PEX3: variants seen among roughly 807,000 people sequenced by gnomAD.
PEX3 encodes the protein peroxin-3.
PEX3 carries 30 observed loss-of-function variants against 55.8 expected under a neutral mutation model. That is an observed-to-expected ratio of 0.54 (90% CI 0.40 to 0.73). The LOEUF (loss-of-function observed/expected upper bound fraction) is 0.73. Ranked by LOEUF, PEX3 falls within the 30% of genes least tolerant of loss-of-function variation. The pLI, the probability that PEX3 is intolerant of heterozygous loss-of-function variation, is 0.00. For missense variants in PEX3, 351 were observed against 432.8 expected, an observed-to-expected ratio of 0.81 and a Z score of 1.68; for synonymous variants, 135 against 148.4, an observed-to-expected ratio of 0.91 and a Z score of 0.66.
At chr6:143,468,825 A>ACT (rs1780030709) in intron 4 of PEX3, among the ~76,000 whole-genome samples, 1 of 32,246 alleles carries the variant, frequency 3.1e-5, no homozygotes, top group African/African-American at 1.2e-4. Context: ...ACCCCACGAC[A>ACT]GGCCCCAGTG....
At chr6:143,472,992 G>C (rs1005571932) in intron 8 of PEX3, among the ~76,000 whole-genome samples, 1 of 152,202 alleles carries the variant, frequency 6.6e-6, no homozygotes, top group Non-Finnish European at 1.5e-5. Context: ...CCAGATTGCA[G>C]GTTATGGCTC....
chr6:143,456,919 A>G (rs938035162), intron 1 of PEX3, among the ~76,000 whole-genome samples: 2 of 152,222 alleles, frequency 1.3e-5, no homozygotes, highest in African/African-American at 2.4e-5. Flanking sequence ...CCCCTCAGAT[A>G]TAGACCAAAT....
chr6:143,483,943 A>G lies in PEX3; in HGVS notation c.942-1209A>G, dbSNP rs1481570991. Among the ~76,000 whole-genome samples the G allele has an allele frequency of 1.4e-5, 2 of 143,656 alleles. No homozygotes were observed. Among genetic ancestry groups the G allele is most frequent in the African/African-American group, 4.9e-5 (2 of 41,062 alleles). The allele number at this position is 143,656 out of a possible 152,430, so 94.2% of individuals were successfully genotyped here. On this transcript the variant is annotated intron_variant, in intron 10 of 11. Transcript: ENST00000367591. This position sits in a 1 kb window ranked among gnomAD's most constrained non-coding sequence, Gnocchi z 4.3. ...AGATTTTGAAAAATGCCACAAAGGTACCATGAAAAAAAAAATGCCTGCTTC... is the reference window on the plus strand; with the variant it reads ...AGATTTTGAAAAATGCCACAAAGGTGCCATGAAAAAAAAAATGCCTGCTTC...
At chr6:143,472,823 G>C (rs1318420402) in intron 8 of PEX3, among the ~76,000 whole-genome samples, 1 of 152,152 alleles carries the variant, frequency 6.6e-6, no homozygotes, top group East Asian at 1.9e-4. Flanking sequence ...TTTTAAAAAA[G>C]TTAATGATGA....
Position 143,471,439 on chromosome 6 carries a change from A to G in PEX3, c.513A>G (p.Leu171=), listed in dbSNP as rs769938240. 6.9e-6 allele frequency: 11 copies of G among 1,600,662 alleles called. No individual in the cohort carries two copies. In the East Asian group the frequency reaches 8.9e-5, roughly 13 times the overall value. Residue 171 remains leucine, a synonymous_variant, in exon 6 of 12, where the codon CTA becomes CTG. Transcript: ENST00000367591. The surrounding 1 kb of genome is among the most constrained non-coding windows in gnomAD (Gnocchi z 5.4). ...QQQYLSSIQH[L]LGDGLTELIT... ...AGTATTTATCAAGTATTCAGCACCT[A>G]CTTGGAGATGGTAAGATTCTTATTT...
intron 8 of PEX3, 83 bp downstream of exon 8, chr6:143,472,411 C>T (rs565820761): frequency 1.0e-6 from 1 of 957,538 alleles, no homozygotes; most frequent in East Asian, 2.4e-5. Context: ...ATTTCTGAGT[C>T]TCTTGAAAGG....
rs1780350188 is a variant in PEX3, at chr6:143,488,748, A to G, written c.1039-395A>G. ...TGTAAAATATGCACTTACTACACAT[A>G]TTCATACCGTATGTTAGATCTTCTA... On this transcript the variant is annotated intron_variant, in intron 11 of 11. Transcript: ENST00000367591. The surrounding 1 kb of genome is among the most constrained non-coding windows in gnomAD (Gnocchi z 4.9). Among the ~76,000 whole-genome samples the G allele has an allele frequency of 6.6e-6, 1 of 152,120 alleles. No homozygotes were observed.
chr6:143,473,026 G>T (rs149594786), intron 8 of PEX3, among the ~76,000 whole-genome samples: 3 of 152,068 alleles, frequency 2.0e-5, no homozygotes, highest in Non-Finnish European at 4.4e-5. Flanking sequence ...GTAATTTTTC[G>T]TTTGTCTGCT....
chr6:143,468,838 G>A lies in PEX3; in HGVS notation c.331+673G>A, dbSNP rs375297917. On this transcript the variant is annotated intron_variant, in intron 4 of 11. Transcript: ENST00000367591. ...CCACCCCACGACAGGCCCCAGTGTC[G>A]ACAGGCCCCAGTGTGTGATGTTCCC... Among the ~76,000 whole-genome samples, 30 of 116,924 alleles carry A rather than the reference G, an allele frequency of 2.6e-4. No individual in the cohort carries two copies. The South Asian group carries it at 4.7e-3, about 18-fold the overall frequency. The allele number at this position is 116,924 out of a possible 152,430, so 76.7% of individuals were successfully genotyped here.
At position 143,476,833 on chromosome 6, in the gene PEX3, T is replaced by C. The variant is rs1472447030; in HGVS notation, c.818+1977T>C. ...TTGGGAGTCATCACTTTGTATATGG[T>C]ATTTAAAGACATGGGAATAGGAACA... On this transcript the variant is annotated intron_variant, in intron 9 of 11. Coordinates refer to ENST00000367591, the MANE Select transcript of PEX3 (RefSeq NM_003630.3). The surrounding 1 kb of genome is among the most constrained non-coding windows in gnomAD (Gnocchi z 5.4). 6.6e-6 allele frequency among the ~76,000 whole-genome samples: 1 copy of C among 152,146 alleles called. No individual in the cohort carries two copies. The highest frequency in any genetic ancestry group is 1.5e-5 in the Non-Finnish European group (1 of 68,012).
At chr6:143,472,118 T>C in intron 7 of PEX3, 42 bp from the exon 8 acceptor site, 1 of 1,328,088 alleles carries the variant, frequency 7.5e-7, no homozygotes. Context: ...GGATGTGTTG[T>C]ATAGTTTCTA....
At chr6:143,461,749 C>T (rs1779923740) in intron 2 of PEX3, among the ~76,000 whole-genome samples, 2 of 152,150 alleles carry the variant, frequency 1.3e-5, no homozygotes, top group Admixed American at 1.3e-4. Context: ...GAGTTCAAGA[C>T]AAGCTTGAGC....
In PEX3 at chr6:143,466,076, A is replaced by G. The variant is rs1291395188; in HGVS notation, c.288-2046A>G. On this transcript the variant is annotated intron_variant, in intron 3 of 11. Coordinates refer to ENST00000367591, the MANE Select transcript of PEX3 (RefSeq NM_003630.3). This position sits in a 1 kb window ranked among gnomAD's most constrained non-coding sequence, Gnocchi z 5.4. ...TCCTTCCACTAGTGGTTTGAAAAGCACTAAACTACCTCCACATAGTACATC... is the reference window on the plus strand; with the variant it reads ...TCCTTCCACTAGTGGTTTGAAAAGCGCTAAACTACCTCCACATAGTACATC... Among the ~76,000 whole-genome samples the G allele has an allele frequency of 6.6e-6, 1 of 152,038 alleles. No individual in the cohort carries two copies. The highest frequency in any genetic ancestry group is 2.4e-5 in the African/African-American group (1 of 41,422).
chr6:143,478,512 T>C (rs1277082462), intron 9 of PEX3, among the ~76,000 whole-genome samples: 1 of 152,064 alleles, frequency 6.6e-6, no homozygotes, highest in South Asian at 2.1e-4. Context: ...GTCAAGAAAT[T>C]GGAACATAAC....
rs73778390 is a variant in PEX3, at chr6:143,465,215, A to G, written c.287+2218A>G. On this transcript the variant is annotated intron_variant, in intron 3 of 11. Transcript: ENST00000367591. The surrounding 1 kb of genome is among the most constrained non-coding windows in gnomAD (Gnocchi z 4.7). ...ATCAAACAAATCATTTGAAAGGAAT[A>G]TTTGTGTTGAAGGTACTTTTCTCTG... is the stretch of plus-strand genomic sequence containing the variant. Among the ~76,000 whole-genome samples the G allele has an allele frequency of 1.9e-3, 292 of 152,102 alleles. 2 individuals carry two copies. The highest frequency in any genetic ancestry group is 6.2e-3 in the African/African-American group (259 of 41,552).
In PEX3 at chr6:143,454,577, A is replaced by T. The variant is rs1340641314; in HGVS notation, c.73+3462A>T. Among the ~76,000 whole-genome samples, 1 of 152,228 alleles carries T rather than the reference A, an allele frequency of 6.6e-6. No individual in the cohort carries two copies. Among genetic ancestry groups the T allele is most frequent in the Non-Finnish European group, 1.5e-5 (1 of 68,038 alleles). ...TAAGTGACTGATCTCACTGTACTTTACTCTGGAAATACAAAGGAATAAGAC... is the reference window on the plus strand; with the variant it reads ...TAAGTGACTGATCTCACTGTACTTTTCTCTGGAAATACAAAGGAATAAGAC... On this transcript the variant is annotated intron_variant, in intron 1 of 11. Transcript: ENST00000367591. This position sits in a 1 kb window ranked among gnomAD's most constrained non-coding sequence, Gnocchi z 4.3.
Position 143,490,592 on chromosome 6 carries a change from A to T in PEX3, c.*1366A>T. On this transcript the variant is annotated 3_prime_UTR_variant, in exon 12 of 12. Transcript: ENST00000367591. This position sits in a 1 kb window ranked among gnomAD's most constrained non-coding sequence, Gnocchi z 6.0. ...TCACCAAGGGATATGGATTTGGCTT[A>T]ATAAAACCTGATTTGAAAACAAAAT... The T allele has an allele frequency of 2.0e-6, 2 of 1,006,086 alleles. No homozygotes were observed. The highest frequency in any genetic ancestry group is 2.8e-6 in the Non-Finnish European group (2 of 724,718). The allele number at this position is 1,006,086 out of a possible 1,614,324, so 62.3% of individuals were successfully genotyped here.
rs1015313805 is a variant in PEX3 at position 143,474,327 on chromosome 6, C to T, written c.748-459C>T. Among the ~76,000 whole-genome samples the T allele has an allele frequency of 4.0e-5, 6 of 151,584 alleles. No individual in the cohort carries two copies. In the South Asian group the frequency reaches 6.3e-4, roughly 16 times the overall value. On this transcript the variant is annotated intron_variant, in intron 8 of 11. Transcript: ENST00000367591. Reference sequence around the variant, plus strand: ...ATACAAACTTAGCCGGTCGTGGTGGCGCACGCTTGTAATCCCAGCTACTCA... The same window carrying T: ...ATACAAACTTAGCCGGTCGTGGTGGTGCACGCTTGTAATCCCAGCTACTCA...
intron 9 of PEX3, among the ~76,000 whole-genome samples, chr6:143,478,007 A>T (rs572034231): frequency 6.6e-5 from 10 of 152,282 alleles, no homozygotes; most frequent in Non-Finnish European, 4.4e-5. Flanking sequence ...ACAATAGCCA[A>T]AAAGTGGAAA....
Sources: allele counts gnomAD v4.1 joint callset (sites outside exome capture counted in the v4.1 genomes callset), GRCh38; gene constraint gnomAD v4.1.1; non-coding constraint Gnocchi (gnomAD v3.1); transcripts MANE v1.5; gene names NCBI Gene and HGNC (gene_info 2026-07-23, HGNC 2026-07-21).